Variants in KCNJ4 observed in about 807,000 individuals in gnomAD.
KCNJ4 encodes the protein potassium inwardly rectifying channel subfamily J member 4, also known as inward rectifier potassium channel 4.
In KCNJ4, 3 loss-of-function variants were observed where a neutral mutation model predicts 25.6. The ratio of observed to expected loss-of-function variants is 0.12; its 90% CI spans 0.05 to 0.30. The LOEUF is 0.30. Ranked by LOEUF, KCNJ4 falls within the 10% of genes least tolerant of loss-of-function variation. The pLI is 1.00. For missense variants in KCNJ4, 286 were observed against 666.8 expected, an observed-to-expected ratio of 0.43 and a Z score of 6.29; for synonymous variants, 257 against 283.9, an observed-to-expected ratio of 0.91 and a Z score of 0.95.
In KCNJ4 at chr22:38,448,171, G is replaced by A. The variant is rs112829177; in HGVS notation, c.-40+6809C>T. Among the ~76,000 whole-genome samples, 1,338 of 151,452 alleles carry A rather than the reference G, an allele frequency of 8.8e-3. 19 individuals are homozygous for A. Among genetic ancestry groups the A allele is most frequent in the African/African-American group, 0.031 (1,275 of 41,266 alleles). ...TGAGGCAGGAGAATCGCTTGAACCC[G>A]GGAGGCAGAGGTTGCACTGAGCTGA... is the stretch of plus-strand genomic sequence containing the variant. On this transcript the variant is annotated intron_variant, in intron 1 of 1. Coordinates refer to ENST00000303592, the MANE Select transcript of KCNJ4 (RefSeq NM_152868.3).
At chr22:38,431,466 A>G (rs1204933429) in intron 1 of KCNJ4, among the ~76,000 whole-genome samples, 18 of 152,286 alleles carry the variant, frequency 1.2e-4, no homozygotes, top group East Asian at 7.7e-4. Context: ...CGATGGGGAC[A>G]TGGTTTACCC....
chr22:38,432,843 C>T lies in KCNJ4; in HGVS notation c.-39-4672G>A, dbSNP rs575658630. ...AAAATTAGCCGGGCATGATGGTGCA[C>T]GCCTGTAATCCCAGCTTCTCGGGAG... On this transcript the variant is annotated intron_variant, in intron 1 of 1. Coordinates refer to ENST00000303592, the MANE Select transcript of KCNJ4 (RefSeq NM_152868.3). Among the ~76,000 whole-genome samples the T allele has an allele frequency of 1.6e-4, 25 of 152,068 alleles. No individual in the cohort carries two copies. In the South Asian group the frequency reaches 5.2e-3, roughly 32 times the overall value.
Position 38,437,688 on chromosome 22 carries a change from C to T in KCNJ4, c.-39-9517G>A, listed in dbSNP as rs954765961. Reference sequence around the variant, plus strand: ...GTACAACATGGGGTGAGTCAGAGGGCGGGCCTCTGGTTTGATGGGCATCTC... The same window carrying T: ...GTACAACATGGGGTGAGTCAGAGGGTGGGCCTCTGGTTTGATGGGCATCTC... On this transcript the variant is annotated intron_variant, in intron 1 of 1. Transcript: ENST00000303592. Among the ~76,000 whole-genome samples the T allele has an allele frequency of 9.9e-5, 15 of 152,160 alleles. 1 individual carries two copies. The highest frequency in any genetic ancestry group is 4.6e-4 in the Admixed American group (7 of 15,272).
At chr22:38,452,385 G>C (rs897760938) in intron 1 of KCNJ4, among the ~76,000 whole-genome samples, 1 of 152,102 alleles carries the variant, frequency 6.6e-6, no homozygotes, top group Non-Finnish European at 1.5e-5. Context: ...CTGGTCCTGG[G>C]ATCTCCCCAA....
At chr22:38,435,658 A>C (rs976249094) in intron 1 of KCNJ4, among the ~76,000 whole-genome samples, 3 of 149,786 alleles carry the variant, frequency 2.0e-5, no homozygotes, top group Non-Finnish European at 4.4e-5. Flanking sequence ...GTGCCACTGC[A>C]CTCCAGTCTG....
rs923610940 is a variant in KCNJ4 at position 38,443,062 on chromosome 22, C to G, written c.-40+11918G>C. ...AGCCCTTCTTGAAGGGCATGACTTA[C>G]TCTCCACTCTTCCTCACCTCCTAGT... On this transcript the variant is annotated intron_variant, in intron 1 of 1. Transcript: ENST00000303592. The surrounding 1 kb of genome is among the most constrained non-coding windows in gnomAD (Gnocchi z 4.1). 6.6e-6 allele frequency among the ~76,000 whole-genome samples: 1 copy of G among 152,134 alleles called. No homozygotes were observed. Among genetic ancestry groups the G allele is most frequent in the Non-Finnish European group, 1.5e-5 (1 of 68,020 alleles).
Position 38,427,734 on chromosome 22 carries a change from C to A in KCNJ4, c.399G>T (p.Thr133=). 6.3e-7 allele frequency: 1 copy of A among 1,595,740 alleles called. No homozygotes were observed. The highest frequency in any genetic ancestry group is 1.7e-5 in the Admixed American group (1 of 58,796). Reference sequence around the variant, plus strand: ...CGCACCGGAACCCATAGCCGATGGTCGTCTGCGTCTCCACCGAGAACAGGA... The same window carrying A: ...CGCACCGGAACCCATAGCCGATGGTAGTCTGCGTCTCCACCGAGAACAGGA... The part of the protein sequence containing the change: ...GAFLFSVETQ[T]TIGYGFRCVT... The change falls in exon 2 of 2, where the codon ACG becomes ACT. Residue 133 remains threonine (T), a synonymous_variant. Transcript: ENST00000303592.
intron 1 of KCNJ4, among the ~76,000 whole-genome samples, chr22:38,432,280 T>TAAATAAATA (rs1555917613): frequency 6.8e-5 from 10 of 147,176 alleles, no homozygotes; most frequent in African/African-American, 1.8e-4. Flanking sequence ...AATAAATAAA[T>TAAATAAATA]AAATAAAATA....
chr22:38,431,238 G>A (rs1266812521), intron 1 of KCNJ4, among the ~76,000 whole-genome samples: 7 of 152,194 alleles, frequency 4.6e-5, no homozygotes, highest in Non-Finnish European at 7.4e-5. Flanking sequence ...TGCTGCAGAC[G>A]AGATCTCTTC....
intron 1 of KCNJ4, among the ~76,000 whole-genome samples, chr22:38,447,788 G>A (rs1030580575): frequency 2.6e-5 from 4 of 152,064 alleles, no homozygotes; most frequent in Admixed American, 1.3e-4. Context: ...CCTCCCGTCC[G>A]GGTGCAGTGG....
intron 1 of KCNJ4, among the ~76,000 whole-genome samples, chr22:38,442,177 G>A (rs1393974834): frequency 6.6e-6 from 1 of 152,124 alleles, no homozygotes. Context: ...CCGTATGAAT[G>A]TATTACCTGT....
rs374618168 is a variant in KCNJ4, at chr22:38,426,939, G to A, written c.1194C>T (p.Ala398=). Reference sequence around the variant, plus strand: ...AACCCGCCTCCAGGCCCAGGCCTGCGGCCACCGCGGCCGCCGCAGCTGCCT... The same window carrying A: ...AACCCGCCTCCAGGCCCAGGCCTGCAGCCACCGCGGCCGCCGCAGCTGCCT... The part of the protein sequence containing the change: ...EEEAAAAAAV[A]AGLGLEAGSK... The change falls in exon 2 of 2, where the codon GCC becomes GCT. Residue 398 remains alanine, a synonymous_variant. Coordinates refer to ENST00000303592, the MANE Select transcript of KCNJ4 (RefSeq NM_152868.3). The A allele has an allele frequency of 9.3e-6, 15 of 1,612,384 alleles. No individual in the cohort carries two copies. The highest frequency in any genetic ancestry group is 2.2e-5 in the South Asian group (2 of 91,066).
rs1251810378 is a variant in KCNJ4 at position 38,443,858 on chromosome 22, C to T, written c.-40+11122G>A. Among the ~76,000 whole-genome samples the T allele has an allele frequency of 1.3e-5, 2 of 152,188 alleles. No individual in the cohort carries two copies. The highest frequency in any genetic ancestry group is 2.9e-5 in the Non-Finnish European group (2 of 68,030). On this transcript the variant is annotated intron_variant, in intron 1 of 1. Transcript: ENST00000303592. This position sits in a 1 kb window ranked among gnomAD's most constrained non-coding sequence, Gnocchi z 4.1. ...CTCCCTGCTCAGAGCTCTCGTCTCCCCAGGGCACTCGGGATGAACGCCCCG... is the reference window on the plus strand; with the variant it reads ...CTCCCTGCTCAGAGCTCTCGTCTCCTCAGGGCACTCGGGATGAACGCCCCG...
At chr22:38,444,507 A>G (rs2145944877) in intron 1 of KCNJ4, among the ~76,000 whole-genome samples, 1 of 152,314 alleles carries the variant, frequency 6.6e-6, no homozygotes, top group East Asian at 1.9e-4. Context: ...CTCACCCTCC[A>G]CGGAGCATGG....
chr22:38,427,693 G>A lies in KCNJ4; in HGVS notation c.440C>T (p.Pro147Leu), dbSNP rs768717899. Residue 147 changes from proline (P) to leucine (L), a missense_variant, in exon 2 of 2, where the codon CCG becomes CTG. Transcript: ENST00000303592. ...YGFRCVTEECPLAVIAVVVQS... is the reference protein window; with the variant it reads ...YGFRCVTEECLLAVIAVVVQS... ...GACCACCACAGCGATGACTGCCAGC[G>A]GGCACTCCTCTGTCACGCACCGGAA... 2.5e-6 allele frequency: 4 copies of A among 1,612,584 alleles called. No homozygotes were observed. The highest frequency in any genetic ancestry group is 2.5e-6 in the Non-Finnish European group (3 of 1,179,950).
intron 1 of KCNJ4, among the ~76,000 whole-genome samples, chr22:38,430,183 A>C (rs549481670): frequency 2.0e-5 from 3 of 152,206 alleles, no homozygotes; most frequent in Non-Finnish European, 4.4e-5. Context: ...GCTGTTGACT[A>C]CTCTGAACCT....
rs74267860 is a variant in KCNJ4 at position 38,448,246 on chromosome 22, T to TA, written c.-40+6733dup. Among the ~76,000 whole-genome samples the TA allele has an allele frequency of 4.7e-3, 534 of 112,856 alleles. 2 individuals are homozygous for TA. The highest frequency in any genetic ancestry group is 0.031 in the South Asian group (108 of 3,480). 74.0% of individuals were successfully genotyped at this position (112,856 alleles called of 152,430 possible). On this transcript the variant is annotated intron_variant, in intron 1 of 1. Coordinates refer to ENST00000303592, the MANE Select transcript of KCNJ4 (RefSeq NM_152868.3). Reference sequence around the variant, plus strand: ...GGGTGACAAGAGCGAAACTCCGTCTTAAAAAAAAAAAAAAAAAAAAGGAAC... The same window carrying TA: ...GGGTGACAAGAGCGAAACTCCGTCTTAAAAAAAAAAAAAAAAAAAAAGGAAC...
intron 1 of KCNJ4, among the ~76,000 whole-genome samples, chr22:38,438,823 C>T (rs912668956): frequency 1.3e-5 from 2 of 152,216 alleles, no homozygotes; most frequent in African/African-American, 2.4e-5. Flanking sequence ...CAGGATGAGG[C>T]CACAGAGGCG....
chr22:38,451,058 T>C (rs1027968451), intron 1 of KCNJ4, among the ~76,000 whole-genome samples: 1 of 152,148 alleles, frequency 6.6e-6, no homozygotes, highest in African/African-American at 2.4e-5. Context: ...GGACATCAAA[T>C]CAACATTGCC....
Sources: gnomAD v4.1 joint callset for allele counts (sites outside exome capture counted in the v4.1 genomes callset) on GRCh38, gnomAD v4.1.1 for gene constraint, Gnocchi (gnomAD v3.1) non-coding constraint, MANE v1.5 for transcripts, NCBI Gene and HGNC (gene_info 2026-07-23, HGNC 2026-07-21) for gene names.